DISC1: variants seen among roughly 807,000 people sequenced by gnomAD.
DISC1 encodes DISC1 scaffold protein.
DISC1 carries 57 observed loss-of-function variants against 84.5 expected under a neutral mutation model. The observed-to-expected ratio is 0.67, with a 90% CI of 0.55 to 0.84. The LOEUF is 0.84. DISC1 is among the 40% of genes least tolerant of loss of function. The probability of loss-of-function intolerance (pLI) is 0.00; values close to 1 mark genes in which losing one functional copy is unlikely to be tolerated. For synonymous variants in DISC1, 411 were observed against 415.2 expected (o/e 0.99, Z 0.12); for missense variants, 1,000 against 1,057.8 (o/e 0.95, Z 0.76).
At chr1:231,939,012 G>A (rs770579522) in intron 9 of DISC1, among the ~76,000 whole-genome samples, 9 of 152,052 alleles carry the variant, frequency 5.9e-5, no homozygotes, top group Admixed American at 2.0e-4. Context: ...CAAATGGGTC[G>A]CCTCCGACCA....
At position 231,935,470 on chromosome 1, in the gene DISC1, G is replaced by A. The variant is rs147228089; in HGVS notation, c.1982-23358G>A. ...TACAAATGTACATATTGTCCTCTAC[G>A]CGTGATATAAAATTGTTCAGCAATA... is the stretch of plus-strand genomic sequence containing the variant. On this transcript the variant is annotated intron_variant, in intron 9 of 12. Transcript: ENST00000439617. Among the ~76,000 whole-genome samples, 556 of 152,248 alleles carry A rather than the reference G, an allele frequency of 3.7e-3. 3 individuals are homozygous for A. The highest frequency in any genetic ancestry group is 0.013 in the African/African-American group (529 of 41,544).
intron 1 of DISC1, among the ~76,000 whole-genome samples, chr1:231,651,725 A>T (rs936699254): frequency 2.0e-5 from 3 of 152,180 alleles, no homozygotes; most frequent in African/African-American, 2.4e-5. Context: ...GGCCTTGGAG[A>T]GCTGCGGTGG....
chr1:232,009,539 A>G lies in DISC1; in HGVS notation c.2307+490A>G. ...TCAAATATATGTATTTATCCCATTAATTGTTTTTACCAAAACCAGATCATA... is the reference window on the plus strand; with the variant it reads ...TCAAATATATGTATTTATCCCATTAGTTGTTTTTACCAAAACCAGATCATA... On this transcript the variant is annotated intron_variant, in intron 11 of 12. Transcript: ENST00000439617. This position sits in a 1 kb window ranked among gnomAD's most constrained non-coding sequence, Gnocchi z 4.6. 1 of 870,370 alleles carries G rather than the reference A, an allele frequency of 1.1e-6. No homozygotes were observed. 53.9% of individuals were successfully genotyped at this position (870,370 alleles called of 1,614,324 possible). A position where few individuals can be genotyped will look rare whatever the true frequency, so the allele number is the denominator to read the frequency against.
chr1:231,994,636 G>A (rs944089185), intron 10 of DISC1, among the ~76,000 whole-genome samples: 1 of 152,152 alleles, frequency 6.6e-6, no homozygotes, highest in Admixed American at 6.5e-5. Context: ...AACAGCACCT[G>A]ACCAAAAATT....
intron 1 of DISC1, among the ~76,000 whole-genome samples, chr1:231,654,194 TAG>T (rs1387998117): frequency 6.6e-6 from 1 of 152,204 alleles, no homozygotes. Context: ...TGCAGCCCTC[TAG>T]TGCCCTGCTG....
intron 4 of DISC1, among the ~76,000 whole-genome samples, chr1:231,758,446 A>G (rs2075350404): frequency 6.6e-6 from 1 of 151,974 alleles, no homozygotes; most frequent in Non-Finnish European, 1.5e-5. Context: ...AGGGGAGAAA[A>G]ACGCGTCTCT....
intron 9 of DISC1, among the ~76,000 whole-genome samples, chr1:231,913,942 A>G (rs2089438975): frequency 6.6e-6 from 1 of 152,160 alleles, no homozygotes; most frequent in South Asian, 2.1e-4. Flanking sequence ...GAGATCCTGC[A>G]TCAGTTAGGA....
intron 9 of DISC1, among the ~76,000 whole-genome samples, chr1:231,890,251 G>A (rs542220229): frequency 6.6e-6 from 1 of 152,056 alleles, no homozygotes; most frequent in Non-Finnish European, 1.5e-5. Context: ...GGCTCTGATC[G>A]TGGGTAAGCA....
At chr1:231,661,449 C>T (rs958040111) in intron 1 of DISC1, among the ~76,000 whole-genome samples, 1 of 152,062 alleles carries the variant, frequency 6.6e-6, no homozygotes, top group Non-Finnish European at 1.5e-5. Flanking sequence ...CCTTTTCATT[C>T]TTTTTTCTCT....
intron 9 of DISC1, among the ~76,000 whole-genome samples, chr1:231,851,153 A>G (rs1029472300): frequency 3.9e-5 from 6 of 152,218 alleles, no homozygotes; most frequent in African/African-American, 1.2e-4. Flanking sequence ...TGTTGTTACC[A>G]TAAATGTCCT....
chr1:231,696,210 G>A (rs1402163621), intron 2 of DISC1, among the ~76,000 whole-genome samples: 1 of 152,142 alleles, frequency 6.6e-6, no homozygotes, highest in African/African-American at 2.4e-5. Context: ...CACCATGGCC[G>A]CTGCCCTGGC....
At chr1:232,002,622 C>T (rs1666843234) in intron 10 of DISC1, among the ~76,000 whole-genome samples, 1 of 149,560 alleles carries the variant, frequency 6.7e-6, no homozygotes, top group African/African-American at 2.5e-5. Context: ...CACACACACA[C>T]ACACACACAC....
intron 1 of DISC1, among the ~76,000 whole-genome samples, chr1:231,635,320 T>C (rs2125122583): frequency 6.6e-6 from 1 of 152,206 alleles, no homozygotes; most frequent in Admixed American, 6.5e-5. Flanking sequence ...ACTCTGGCCT[T>C]TTTATTATGC....
intron 10 of DISC1, among the ~76,000 whole-genome samples, chr1:231,991,227 C>T (rs952533505): frequency 3.3e-5 from 5 of 152,184 alleles, no homozygotes; most frequent in Admixed American, 6.5e-5. Flanking sequence ...ATTTCCATTC[C>T]ACTCTTGGCA....
intron 10 of DISC1, among the ~76,000 whole-genome samples, chr1:231,974,030 T>C (rs1315882329): frequency 6.6e-6 from 1 of 152,040 alleles, no homozygotes; most frequent in Non-Finnish European, 1.5e-5. Flanking sequence ...AAGAGGTACA[T>C]GTTTATGTTT....
intron 9 of DISC1, among the ~76,000 whole-genome samples, chr1:231,894,700 A>G (rs1312734079): frequency 6.6e-6 from 1 of 151,180 alleles, no homozygotes; most frequent in Non-Finnish European, 1.5e-5. Flanking sequence ...CATATCAATC[A>G]GTATCTAATA....
intron 9 of DISC1, among the ~76,000 whole-genome samples, chr1:231,928,026 A>G (rs1359368991): frequency 6.6e-6 from 1 of 152,210 alleles, no homozygotes; most frequent in Non-Finnish European, 1.5e-5. Context: ...AAGCCACCCT[A>G]CAAAGTGAGC....
chr1:231,912,949 C>A lies in DISC1; in HGVS notation c.1982-45879C>A, dbSNP rs1025708465. Among the ~76,000 whole-genome samples the A allele has an allele frequency of 2.6e-5, 4 of 151,082 alleles. No individual in the cohort carries two copies. In the East Asian group the frequency reaches 7.8e-4, roughly 29 times the overall value. ...TCTTTTGATAGGATCTTGCTGTCAC[C>A]CAAGCTTGAGTGCAGTGGTTCCATC... On this transcript the variant is annotated intron_variant, in intron 9 of 12. Transcript: ENST00000439617.
intron 10 of DISC1, among the ~76,000 whole-genome samples, chr1:231,986,725 G>C (rs1411870498): frequency 6.6e-6 from 1 of 152,216 alleles, no homozygotes; most frequent in African/African-American, 2.4e-5. Context: ...ATCCCCCACA[G>C]CAAGGAGCCT....
Sources: gnomAD v4.1 joint callset for allele counts (sites outside exome capture counted in the v4.1 genomes callset) on GRCh38, gnomAD v4.1.1 for gene constraint, Gnocchi (gnomAD v3.1) non-coding constraint, MANE v1.5 for transcripts, NCBI Gene and HGNC (gene_info 2026-07-23, HGNC 2026-07-21) for gene names.